DAPP1: variants seen among roughly 807,000 people sequenced by gnomAD.
DAPP1 encodes the protein dual adapter for phosphotyrosine and 3-phosphotyrosine and 3-phosphoinositide.
Under a neutral mutation model 41.5 loss-of-function variants are expected in DAPP1, and 20 were observed. The ratio of observed to expected loss-of-function variants is 0.48; its 90% confidence interval spans 0.34 to 0.70. The LOEUF (loss-of-function observed/expected upper bound fraction) is 0.70. DAPP1 is among the 30% of genes least tolerant of loss of function. DAPP1 has a pLI of 0.01. For synonymous variants in DAPP1, 113 were observed against 116.2 expected, an observed-to-expected ratio of 0.97 and a Z score of 0.18; for missense variants, 233 against 333.4, an observed-to-expected ratio of 0.70 and a Z score of 2.35.
intron 4 of DAPP1, among the ~76,000 whole-genome samples, chr4:99,855,821 C>A (rs1479220505): frequency 2.0e-5 from 3 of 152,198 alleles, no homozygotes; most frequent in African/African-American, 7.2e-5. Context: ...CATCTCCAGC[C>A]TGAGAGCCCT....
chr4:99,848,598 C>A (rs775691256), intron 3 of DAPP1, among the ~76,000 whole-genome samples: 6 of 152,106 alleles, frequency 3.9e-5, no homozygotes, highest in African/African-American at 7.2e-5. Context: ...GTTGAACAAC[C>A]AAGAGACAAC....
At chr4:99,864,812 A>C (rs1241764724) in intron 7 of DAPP1, 1 of 152,158 alleles carries the variant, frequency 6.6e-6, no homozygotes, top group African/African-American at 2.4e-5. Flanking sequence ...AGATGTAGGG[A>C]TGATATTACC....
chr4:99,853,018 C>T (rs1029869930), intron 3 of DAPP1, among the ~76,000 whole-genome samples, 200 bp from the exon 4 acceptor site: 4 of 152,136 alleles, frequency 2.6e-5, no homozygotes, highest in Non-Finnish European at 5.9e-5. Context: ...GGCCAAGGAA[C>T]ATCTCCATCA....
At chr4:99,852,050 C>G (rs543359891) in intron 3 of DAPP1, among the ~76,000 whole-genome samples, 1 of 152,098 alleles carries the variant, frequency 6.6e-6, no homozygotes, top group Non-Finnish European at 1.5e-5. Context: ...ATTCTCTATC[C>G]CTTTACCATG....
chr4:99,816,856 A>G lies in DAPP1; in HGVS notation c.-58A>G. On this transcript the variant is annotated 5_prime_UTR_variant, in exon 1 of 9. Coordinates refer to ENST00000512369, the MANE Select transcript of DAPP1 (RefSeq NM_014395.3). ...TAGCAGGCTGCTGTCTCACAGAGCG[A>G]GAAGGTGTCAGGAGCAGCCCAGTTG... is the stretch of plus-strand genomic sequence containing the variant. The G allele has an allele frequency of 1.4e-6, 2 of 1,454,282 alleles. No individual in the cohort carries two copies. Among genetic ancestry groups the G allele is most frequent in the East Asian group, 2.5e-5 (1 of 40,076 alleles). The allele number at this position is 1,454,282 out of a possible 1,614,324, so 90.1% of individuals were successfully genotyped here.
chr4:99,857,699 TATACACAC>T (rs1450042172), intron 4 of DAPP1, among the ~76,000 whole-genome samples: 4 of 133,552 alleles, frequency 3.0e-5, no homozygotes, highest in South Asian at 2.2e-4. Flanking sequence ...TATGTATGTA[TATACACAC>T]ACACACACAC....
At chr4:99,817,751 G>A (rs1476010808) in intron 1 of DAPP1, among the ~76,000 whole-genome samples, 2 of 152,240 alleles carry the variant, frequency 1.3e-5, no homozygotes, top group Non-Finnish European at 2.9e-5. Flanking sequence ...GGATTTCCCA[G>A]AGAAACTGCC....
chr4:99,822,063 G>A (rs565610897), intron 1 of DAPP1, among the ~76,000 whole-genome samples: 9 of 152,242 alleles, frequency 5.9e-5, no homozygotes, highest in South Asian at 2.1e-4. Context: ...TTCTAAAAAC[G>A]GAAGGTGGTT....
Position 99,868,482 on chromosome 4 carries a change from T to G in DAPP1, c.*297T>G. 1 of 333,860 alleles carries G rather than the reference T, an allele frequency of 3.0e-6. No individual in the cohort carries two copies. The highest frequency in any genetic ancestry group is 3.6e-5 in the South Asian group (1 of 27,802). The allele number at this position is 333,860 out of a possible 1,614,324, so 20.7% of individuals were successfully genotyped here. ...CACACAATGGAAGAGGAAGGGTTTT[T>G]GTTTTCACTCATTGTGGTCCCCAAG... On this transcript the variant is annotated 3_prime_UTR_variant, in exon 9 of 9. Coordinates refer to ENST00000512369, the MANE Select transcript of DAPP1 (RefSeq NM_014395.3).
intron 3 of DAPP1, among the ~76,000 whole-genome samples, chr4:99,848,555 T>C (rs1262577489): frequency 6.6e-6 from 1 of 152,096 alleles, no homozygotes; most frequent in East Asian, 1.9e-4. Flanking sequence ...TAAAAGGATA[T>C]TAACAATATA....
chr4:99,863,665 A>G, intron 6 of DAPP1, 105 bp from the exon 7 acceptor site: 2 of 744,128 alleles, frequency 2.7e-6, no homozygotes, highest in Admixed American at 2.9e-5. Flanking sequence ...AAATATGACA[A>G]TTGCACATAG....
chr4:99,857,432 A>G (rs1362153177), intron 4 of DAPP1, among the ~76,000 whole-genome samples: 1 of 152,212 alleles, frequency 6.6e-6, no homozygotes, highest in Non-Finnish European at 1.5e-5. Context: ...GGTCCTATCT[A>G]AAATGTTAGT....
intron 4 of DAPP1, among the ~76,000 whole-genome samples, chr4:99,857,290 C>T (rs1429590498): frequency 6.6e-6 from 1 of 152,004 alleles, no homozygotes; most frequent in Non-Finnish European, 1.5e-5. Flanking sequence ...ACTGAGAAGG[C>T]TAACTCTGCA....
In DAPP1 at chr4:99,817,027, A is replaced by T. The variant is rs776176145; in HGVS notation, c.101+13A>T. ...TCCAGGACTTGGGGTAAGGCAGCAGATCTCCTTTCAAAGTACCTAGTGGGT... is the reference window on the plus strand; with the variant it reads ...TCCAGGACTTGGGGTAAGGCAGCAGTTCTCCTTTCAAAGTACCTAGTGGGT... On this transcript the variant is annotated intron_variant, in intron 1 of 8. Coordinates refer to ENST00000512369, the MANE Select transcript of DAPP1 (RefSeq NM_014395.3). 16 of 1,580,730 alleles carry T rather than the reference A, an allele frequency of 1.0e-5. No individual in the cohort carries two copies. The African/African-American group carries it at 1.9e-4, about 19-fold the overall frequency.
At chr4:99,848,063 G>A (rs554343296) in intron 3 of DAPP1, among the ~76,000 whole-genome samples, 1 of 151,490 alleles carries the variant, frequency 6.6e-6, no homozygotes, top group Admixed American at 6.6e-5. Context: ...CCGCCCCCTC[G>A]GCCTCCAAAA....
rs561787815 is a variant in DAPP1 at position 99,868,233 on chromosome 4, T to C, written c.*48T>C. The C allele has an allele frequency of 1.3e-5, 20 of 1,499,588 alleles. No individual in the cohort carries two copies. In the East Asian group the frequency reaches 4.1e-4, roughly 30 times the overall value. The allele number at this position is 1,499,588 out of a possible 1,614,324, so 92.9% of individuals were successfully genotyped here. The stretch of plus-strand genomic sequence containing the variant: ...CTGGCCCAGGAGCAAGGTGGAATGT[T>C]TCCCTGACGCTGTGATCTGCAGCAG... On this transcript the variant is annotated 3_prime_UTR_variant, in exon 9 of 9. Coordinates refer to ENST00000512369, the MANE Select transcript of DAPP1 (RefSeq NM_014395.3).
At chr4:99,821,077 C>T (rs1047523559) in intron 1 of DAPP1, among the ~76,000 whole-genome samples, 1 of 152,150 alleles carries the variant, frequency 6.6e-6, no homozygotes. Context: ...CAGCTTTACA[C>T]AGGAAGAGAC....
intron 1 of DAPP1, among the ~76,000 whole-genome samples, chr4:99,818,898 A>G (rs1485457561): frequency 1.3e-5 from 2 of 152,192 alleles, no homozygotes; most frequent in Non-Finnish European, 2.9e-5. Flanking sequence ...ATCTCTGGGG[A>G]TGGGTGTTTT....
At chr4:99,844,259 G>A (rs1723591186) in intron 3 of DAPP1, 1 of 152,162 alleles carries the variant, frequency 6.6e-6, no homozygotes, top group Non-Finnish European at 1.5e-5. Flanking sequence ...GAGGGGCCAG[G>A]CTCCTCCCCA....
Sources: gnomAD v4.1 joint callset for allele counts (sites outside exome capture counted in the v4.1 genomes callset) on GRCh38, gnomAD v4.1.1 for gene constraint, MANE v1.5 for transcripts, NCBI Gene and HGNC (gene_info 2026-07-23, HGNC 2026-07-21) for gene names.